Variants in AVEN observed in about 807,000 individuals in gnomAD.
AVEN encodes apoptosis and caspase activation inhibitor.
A neutral mutation model predicts 38.1 loss-of-function variants in AVEN; 41 were observed. That is an observed-to-expected ratio of 1.08 (90% confidence interval 0.84 to 1.40). The LOEUF (loss-of-function observed/expected upper bound fraction) is 1.40. Among genes scored for constraint, AVEN ranks in the 40% most tolerant of loss-of-function variants. The pLI, the probability that AVEN is intolerant of heterozygous loss-of-function variation, is 0.00. For missense variants in AVEN, 605 were observed against 438.8 expected (o/e 1.38, Z -3.38); for synonymous variants, 206 against 171.8 (o/e 1.20, Z -1.56).
Position 34,039,190 on chromosome 15 carries a change from G to A in AVEN, c.-144C>T, listed in dbSNP as rs1436956891. ...GGCGCGGGGTGCGGGGCTAGGGATCGAGGCCGGCCGCAGCGGAGCGGGGCG... is the reference window on the plus strand; with the variant it reads ...GGCGCGGGGTGCGGGGCTAGGGATCAAGGCCGGCCGCAGCGGAGCGGGGCG... On this transcript the variant is annotated 5_prime_UTR_variant, in exon 1 of 6. Coordinates refer to ENST00000306730, the MANE Select transcript of AVEN (RefSeq NM_020371.3). 2 of 672,964 alleles carry A rather than the reference G, an allele frequency of 3.0e-6. No homozygotes were observed. Among genetic ancestry groups the A allele is most frequent in the Non-Finnish European group, 3.7e-6 (2 of 536,390 alleles). 41.7% of individuals were successfully genotyped at this position (672,964 alleles called of 1,614,324 possible).
chr15:33,928,136 A>T (rs955211901), intron 2 of AVEN, among the ~76,000 whole-genome samples: 1 of 152,230 alleles, frequency 6.6e-6, no homozygotes, highest in African/African-American at 2.4e-5. Flanking sequence ...ACACCTTGTC[A>T]AAATGGAAGT....
At chr15:33,861,085 G>A in intron 11 of AVEN, 1 of 1,585,252 alleles carries the variant, frequency 6.3e-7, no homozygotes, top group African/African-American at 1.3e-5. Context: ...TAGACTAAAT[G>A]TTTCATCTGT....
At position 34,039,128 on chromosome 15, in the gene AVEN, G is replaced by T; in HGVS notation, c.-82C>A. On this transcript the variant is annotated 5_prime_UTR_variant, in exon 1 of 6. Transcript: ENST00000306730. ...TGGCCCCACCGGAAGCGGGCCGCACGGAGGAGCCGCGAGCGAAAGGCGCCC... is the reference window on the plus strand; with the variant it reads ...TGGCCCCACCGGAAGCGGGCCGCACTGAGGAGCCGCGAGCGAAAGGCGCCC... 1.9e-6 allele frequency: 2 copies of T among 1,037,818 alleles called. No homozygotes were observed. The highest frequency in any genetic ancestry group is 1.7e-5 in the African/African-American group (1 of 58,212). 64.3% of individuals were successfully genotyped at this position (1,037,818 alleles called of 1,614,324 possible).
chr15:33,941,251 T>C (rs1460119497), intron 2 of AVEN, among the ~76,000 whole-genome samples: 1 of 152,262 alleles, frequency 6.6e-6, no homozygotes, highest in East Asian at 1.9e-4. Flanking sequence ...TAAAATCTTT[T>C]GCTGAAAATT....
chr15:34,059,917 T>G (rs1214697588), intron 5 of AVEN, among the ~76,000 whole-genome samples: 1 of 152,238 alleles, frequency 6.6e-6, no homozygotes, highest in Admixed American at 6.5e-5. Flanking sequence ...ATTAGCCTAT[T>G]CCATGGTATC....
At chr15:33,977,858 G>A (rs922392752) in intron 2 of AVEN, among the ~76,000 whole-genome samples, 11 of 151,984 alleles carry the variant, frequency 7.2e-5, no homozygotes, top group Non-Finnish European at 1.5e-4. Flanking sequence ...GATTGCTTGA[G>A]CCCAGGAGGT....
At chr15:33,966,762 T>C (rs1415107685) in intron 2 of AVEN, among the ~76,000 whole-genome samples, 2 of 152,148 alleles carry the variant, frequency 1.3e-5, no homozygotes, top group Admixed American at 6.6e-5. Flanking sequence ...TATTGTATTC[T>C]TGGAAAAGTT....
At chr15:33,912,339 G>A (rs185625824) in intron 2 of AVEN, among the ~76,000 whole-genome samples, 45 of 152,258 alleles carry the variant, frequency 3.0e-4, no homozygotes, top group African/African-American at 1.1e-3. Flanking sequence ...TGGAGTGTCT[G>A]CTTAATATTA....
intron 2 of AVEN, among the ~76,000 whole-genome samples, chr15:33,994,022 A>G (rs1311028873): frequency 2.0e-5 from 3 of 152,132 alleles, no homozygotes; most frequent in Non-Finnish European, 4.4e-5. Context: ...AGCTGTGAAC[A>G]TTTGGGCACA....
At chr15:33,928,285 C>T (rs926441196) in intron 2 of AVEN, among the ~76,000 whole-genome samples, 1 of 152,182 alleles carries the variant, frequency 6.6e-6, no homozygotes, top group Non-Finnish European at 1.5e-5. Context: ...CAAAAGAAAA[C>T]TTGAAAGCTC....
chr15:33,980,900 T>C (rs1350880797), intron 2 of AVEN, among the ~76,000 whole-genome samples: 3 of 152,178 alleles, frequency 2.0e-5, no homozygotes, highest in Non-Finnish European at 4.4e-5. Context: ...TAGCCTGCCC[T>C]AAAAATCGTA....
At chr15:33,990,667 AC>A (rs1896683248) in intron 2 of AVEN, 1 of 152,226 alleles carries the variant, frequency 6.6e-6, no homozygotes, top group South Asian at 2.1e-4. Flanking sequence ...GGGGCCTGGG[AC>A]CGGAAAGATA....
intron 1 of AVEN, among the ~76,000 whole-genome samples, chr15:34,036,615 G>A (rs1237518344): frequency 6.6e-6 from 1 of 152,236 alleles, no homozygotes. Context: ...GAAATGGAAG[G>A]AACTTAGAGA....
intron 2 of AVEN, among the ~76,000 whole-genome samples, chr15:33,940,002 T>G (rs906420444): frequency 6.6e-6 from 1 of 152,216 alleles, no homozygotes; most frequent in Non-Finnish European, 1.5e-5. Flanking sequence ...GCTTGCTTCC[T>G]TTCTCTACCA....
intron 2 of AVEN, among the ~76,000 whole-genome samples, chr15:33,928,629 G>T (rs1893719172): frequency 1.3e-5 from 2 of 152,142 alleles, no homozygotes; most frequent in Non-Finnish European, 2.9e-5. Flanking sequence ...TCCAAGGGTG[G>T]GCAAGGATGT....
intron 2 of AVEN, among the ~76,000 whole-genome samples, chr15:33,940,787 A>C (rs185457735): frequency 1.3e-5 from 2 of 152,100 alleles, no homozygotes; most frequent in East Asian, 3.9e-4. Context: ...TGATCCACCC[A>C]CTTTGGCCTC....
intron 1 of AVEN, among the ~76,000 whole-genome samples, chr15:34,028,420 C>T (rs1006664423): frequency 6.6e-6 from 1 of 152,030 alleles, no homozygotes. Flanking sequence ...AAAAATTAGC[C>T]AAGCATGGTG....
At chr15:33,940,978 T>C (rs1222653858) in intron 2 of AVEN, among the ~76,000 whole-genome samples, 1 of 152,234 alleles carries the variant, frequency 6.6e-6, no homozygotes, top group Non-Finnish European at 1.5e-5. Flanking sequence ...TACAGAGTAT[T>C]AGTTCTACAA....
chr15:33,937,773 CA>C, intron 2 of AVEN, among the ~76,000 whole-genome samples: 2 of 151,964 alleles, frequency 1.3e-5, no homozygotes, highest in Admixed American at 1.3e-4. Flanking sequence ...AAGCTGTCTG[CA>C]AACCAAATGA....
Sources: gnomAD v4.1 joint callset for allele counts (sites outside exome capture counted in the v4.1 genomes callset) on GRCh38, gnomAD v4.1.1 for gene constraint, MANE v1.5 for transcripts, NCBI Gene and HGNC (gene_info 2026-07-23, HGNC 2026-07-21) for gene names.